The following SAXO1 variants were observed in gnomAD, a reference collection of about 807,000 sequenced individuals.
SAXO1 encodes 4930500O09Rik.
A neutral mutation model predicts 17.5 loss-of-function variants in SAXO1; 21 were observed. The ratio of observed to expected loss-of-function variants is 1.20; its 90% CI spans 0.85 to 1.72. The LOEUF (loss-of-function observed/expected upper bound fraction) is 1.72. SAXO1 is among the 40% of genes most tolerant of loss of function. The pLI is 0.00. For synonymous variants in SAXO1, 274 were observed against 216.5 expected, an observed-to-expected ratio of 1.27 and a Z score of -2.33; for missense variants, 843 against 596.0, an observed-to-expected ratio of 1.41 and a Z score of -4.32.
intron 1 of SAXO1, among the ~76,000 whole-genome samples, chr9:19,040,083 G>A (rs1836040996): frequency 6.6e-6 from 1 of 152,084 alleles, no homozygotes; most frequent in Admixed American, 6.6e-5. Flanking sequence ...AAGGCACGGT[G>A]CACTGTGAAT....
intron 3 of SAXO1, among the ~76,000 whole-genome samples, chr9:18,940,666 G>A (rs1223205928): frequency 6.6e-6 from 1 of 152,198 alleles, no homozygotes; most frequent in Non-Finnish European, 1.5e-5. Context: ...GGTATCATAA[G>A]CATGAGTTAT....
intron 1 of SAXO1, among the ~76,000 whole-genome samples, chr9:18,953,706 G>A (rs537267490): frequency 6.6e-6 from 1 of 152,200 alleles, no homozygotes; most frequent in African/African-American, 2.4e-5. Flanking sequence ...TCATTAACCA[G>A]GAATCCCTCA....
intron 3 of SAXO1, among the ~76,000 whole-genome samples, chr9:18,931,433 C>G (rs1002427225): frequency 2.0e-5 from 3 of 152,122 alleles, no homozygotes; most frequent in African/African-American, 7.2e-5. Flanking sequence ...TGAGTTGTTT[C>G]TACTCCTTGG....
At chr9:18,996,089 A>AG (rs1045410426) in intron 1 of SAXO1, among the ~76,000 whole-genome samples, 1 of 150,938 alleles carries the variant, frequency 6.6e-6, no homozygotes, top group Non-Finnish European at 1.5e-5. Flanking sequence ...CAAAAAAAAA[A>AG]AAAGAAAAGA....
intron 1 of SAXO1, among the ~76,000 whole-genome samples, chr9:19,003,097 G>C (rs935173484): frequency 2.0e-5 from 3 of 151,740 alleles, no homozygotes; most frequent in African/African-American, 4.8e-5. Flanking sequence ...TATACACAAA[G>C]AACAGACAAA....
intron 1 of SAXO1, among the ~76,000 whole-genome samples, chr9:18,956,792 T>C (rs1286674589): frequency 6.6e-6 from 1 of 152,232 alleles, no homozygotes; most frequent in African/African-American, 2.4e-5. Flanking sequence ...TGTGGAGCAA[T>C]TACTACGCAC....
At chr9:19,017,471 T>C (rs546566731) in intron 1 of SAXO1, among the ~76,000 whole-genome samples, 2 of 152,350 alleles carry the variant, frequency 1.3e-5, no homozygotes, top group Admixed American at 6.5e-5. Context: ...CACCAGAGCA[T>C]GGCCAGTGAC....
At chr9:18,944,892 A>G (rs143413601) in intron 2 of SAXO1, among the ~76,000 whole-genome samples, 64 of 152,286 alleles carry the variant, frequency 4.2e-4, no homozygotes, top group Middle Eastern at 6.8e-3. Context: ...AAACTTGAAG[A>G]TATATTAGTG....
intron 1 of SAXO1, among the ~76,000 whole-genome samples, chr9:18,983,997 G>A (rs1475523160): frequency 6.6e-6 from 1 of 152,222 alleles, no homozygotes. Flanking sequence ...ACCCAGGGCT[G>A]AAGAATGGAT....
intron 1 of SAXO1, among the ~76,000 whole-genome samples, chr9:19,023,065 TAAG>T (rs935924084): frequency 6.6e-6 from 1 of 151,982 alleles, no homozygotes; most frequent in African/African-American, 2.4e-5. Context: ...TCCCAGAGTA[TAAG>T]GAGTAGATGA....
chr9:18,990,510 G>A (rs1474584981), intron 1 of SAXO1, among the ~76,000 whole-genome samples: 1 of 152,128 alleles, frequency 6.6e-6, no homozygotes, highest in Non-Finnish European at 1.5e-5. Context: ...GGTTGAGGCT[G>A]CAGTGAGCCA....
chr9:18,961,876 A>C (rs1029219010), intron 1 of SAXO1, among the ~76,000 whole-genome samples: 1 of 152,102 alleles, frequency 6.6e-6, no homozygotes, highest in South Asian at 2.1e-4. Flanking sequence ...GCTGGGTCAA[A>C]TGGTATTTCT....
intron 3 of SAXO1, among the ~76,000 whole-genome samples, chr9:18,934,193 T>G (rs1347634201): frequency 6.6e-6 from 1 of 152,222 alleles, no homozygotes; most frequent in Non-Finnish European, 1.5e-5. Context: ...CTTATTCTAT[T>G]TGGATTGTGC....
At chr9:18,931,480 G>A (rs1211957889) in intron 3 of SAXO1, among the ~76,000 whole-genome samples, 3 of 152,186 alleles carry the variant, frequency 2.0e-5, no homozygotes, top group African/African-American at 7.2e-5. Context: ...CCTTTGTGAA[G>A]AAGTCTGTGT....
chr9:19,029,345 G>A (rs966954749), intron 1 of SAXO1, among the ~76,000 whole-genome samples: 1 of 152,116 alleles, frequency 6.6e-6, no homozygotes, highest in Non-Finnish European at 1.5e-5. Flanking sequence ...TTAAAAAATG[G>A]GGGAACTGAA....
upstream of SAXO1, among the ~76,000 whole-genome samples, chr9:19,034,852 G>C (rs1356073377): frequency 1.3e-5 from 2 of 152,200 alleles, no homozygotes; most frequent in Non-Finnish European, 2.9e-5. Context: ...GCCTTCTCTT[G>C]ATGGCTGCCT....
chr9:18,995,551 T>C (rs769674440), intron 1 of SAXO1, among the ~76,000 whole-genome samples: 5 of 152,212 alleles, frequency 3.3e-5, no homozygotes, highest in Admixed American at 6.5e-5. Context: ...GCTGCTGCTA[T>C]TCCCTTTTTT....
chr9:18,967,168 T>A (rs983437575), intron 1 of SAXO1, among the ~76,000 whole-genome samples: 2 of 152,172 alleles, frequency 1.3e-5, no homozygotes, highest in African/African-American at 4.8e-5. Flanking sequence ...CTCTCCTGTA[T>A]GAGGTGTCTG....
At chr9:18,946,417 C>A (rs758774185) in intron 2 of SAXO1, among the ~76,000 whole-genome samples, 4 of 151,414 alleles carry the variant, frequency 2.6e-5, no homozygotes, top group Admixed American at 1.3e-4. Flanking sequence ...GGGCCCAAAT[C>A]TCTGCATAAC....
Sources: gnomAD v4.1 joint callset for allele counts (sites outside exome capture counted in the v4.1 genomes callset) on GRCh38, gnomAD v4.1.1 for gene constraint, MANE v1.5 for transcripts, NCBI Gene and HGNC (gene_info 2026-07-23, HGNC 2026-07-21) for gene names.